The following OSBPL9 variants were observed in gnomAD, a reference collection of about 807,000 sequenced individuals.
The protein encoded by OSBPL9 is oxysterol binding protein like 9.
In OSBPL9, 40 loss-of-function variants were observed where a neutral mutation model predicts 106.6. The ratio of observed to expected loss-of-function variants is 0.38; its 90% CI spans 0.29 to 0.49. The LOEUF is 0.49. OSBPL9 is among the 20% of genes least tolerant of loss of function. OSBPL9 has a pLI of 0.97. For missense variants in OSBPL9, 609 were observed against 887.2 expected, an observed-to-expected ratio of 0.69 and a Z score of 3.98; for synonymous variants, 269 against 295.4, an observed-to-expected ratio of 0.91 and a Z score of 0.92.
chr1:51,651,688 T>C (rs1646528547), intron 1 of OSBPL9, among the ~76,000 whole-genome samples: 1 of 152,124 alleles, frequency 6.6e-6, no homozygotes, highest in Non-Finnish European at 1.5e-5. Context: ...TCTCTGACTC[T>C]CTAAAGTATG....
At chr1:51,575,232 GCT>G (rs1645176386), upstream of OSBPL9, among the ~76,000 whole-genome samples, 1 of 152,062 alleles carries the variant, frequency 6.6e-6, no homozygotes, top group Non-Finnish European at 1.5e-5. Flanking sequence ...ACGGAGTCTT[GCT>G]CTGTCTCCCA....
At chr1:51,741,502 C>G (rs775687208) in intron 4 of OSBPL9, among the ~76,000 whole-genome samples, 2 of 146,898 alleles carry the variant, frequency 1.4e-5, no homozygotes, top group Non-Finnish European at 3.0e-5. Context: ...TCTTTACTTC[C>G]TCTTCCCCTT....
At chr1:51,601,096 A>G (rs556209077) in intron 2 of OSBPL9, among the ~76,000 whole-genome samples, 1 of 152,304 alleles carries the variant, frequency 6.6e-6, no homozygotes, top group South Asian at 2.1e-4. Flanking sequence ...GTAGGTAGGA[A>G]AAGGATGTGT....
chr1:51,729,944 C>T lies in OSBPL9; in HGVS notation c.319-15592C>T. On this transcript the variant is annotated intron_variant, in intron 4 of 23. Transcript: ENST00000428468. The surrounding 1 kb of genome is among the most constrained non-coding windows in gnomAD (Gnocchi z 5.1). ...CGGGAGCAGCCCCCGGCTACCTCCC[C>T]TGGAGGCACAGAGGGCGGGGGCCTT... 7.6e-7 allele frequency: 1 copy of T among 1,313,732 alleles called. No individual in the cohort carries two copies. Among genetic ancestry groups the T allele is most frequent in the Non-Finnish European group, 9.8e-7 (1 of 1,023,538 alleles). 81.4% of individuals were successfully genotyped at this position (1,313,732 alleles called of 1,614,324 possible).
intron 5 of OSBPL9, 112 bp downstream of exon 5, chr1:51,745,743 C>A: frequency 7.8e-7 from 1 of 1,290,078 alleles, no homozygotes; most frequent in Non-Finnish European, 1.0e-6. Flanking sequence ...TGTGGTTCTT[C>A]AGCAGTTTTT....
rs1645248720 is a variant in OSBPL9, at chr1:51,586,478, A to G, written c.-423+9222A>G. Among the ~76,000 whole-genome samples, 3 of 152,226 alleles carry G rather than the reference A, an allele frequency of 2.0e-5. No homozygotes were observed. The South Asian group carries it at 6.2e-4, about 32-fold the overall frequency. On this transcript the variant is annotated intron_variant, in intron 1 of 25. Coordinates refer to the OSBPL9 transcript ENST00000371714. ...CTGTTGGGCATTTAGGTTTGTCTCC[A>G]AATGTTTCCAATTACAAATAATGCT...
At chr1:51,647,855 C>G (rs564918820) in intron 1 of OSBPL9, among the ~76,000 whole-genome samples, 4 of 152,044 alleles carry the variant, frequency 2.6e-5, no homozygotes, top group African/African-American at 4.8e-5. Flanking sequence ...TGGCTCGCAC[C>G]TGTAGTCCCA....
rs377657272 is a variant in OSBPL9, at chr1:51,787,458, G to A, written c.2106G>A (p.Arg702=). 5.6e-6 allele frequency: 9 copies of A among 1,613,936 alleles called. No homozygotes were observed. The South Asian group carries it at 8.8e-5, about 16-fold the overall frequency. ...EERQRAEARE[R]KEKEIQWETR... The stretch of plus-strand genomic sequence containing the variant: ...GACAAAGAGCAGAAGCCCGAGAAAG[G>A]AAGGAGAAGGAAATTCAGTGGGAGA... Residue 702 remains arginine (R), a synonymous_variant, in exon 23 of 24, where the codon AGG becomes AGA. Transcript: ENST00000428468.
Position 51,617,218 on chromosome 1 carries a change from C to T in OSBPL9, c.108C>T (p.Tyr36=). 3.1e-6 allele frequency: 5 copies of T among 1,610,210 alleles called. No individual in the cohort carries two copies. Among genetic ancestry groups the T allele is most frequent in the Non-Finnish European group, 4.2e-6 (5 of 1,178,138 alleles). The part of the protein sequence containing the change: ...LDYNAGLLSY[Y]TSKDKMMRGS... ...ACAATGCAGGACTGCTCTCCTACTA[C>T]ACGGTGAGTCCTTGGAGGGCACAGC... is the stretch of plus-strand genomic sequence containing the variant. Residue 36 remains tyrosine (Y), a synonymous_variant, in exon 1 of 24, where the codon TAC becomes TAT. Coordinates refer to ENST00000428468, the MANE Select transcript of OSBPL9 (RefSeq NM_024586.6).
At chr1:51,772,333 G>A (rs1674101981) in intron 13 of OSBPL9, 151 bp downstream of exon 13, 2 of 678,304 alleles carry the variant, frequency 2.9e-6, no homozygotes, top group Non-Finnish European at 5.0e-6. Context: ...CCAACATGGT[G>A]AAACCCCATC....
chr1:51,555,606 C>T, the OSBPL9 span, among the ~76,000 whole-genome samples: 11,891 of 152,070 alleles, frequency 0.078, 530 homozygotes, highest in Middle Eastern at 0.11. Flanking sequence ...CTTGCTCTGT[C>T]GCCCAGGCTG....
chr1:51,534,368 T>C, the OSBPL9 span, among the ~76,000 whole-genome samples: 1 of 152,222 alleles, frequency 6.6e-6, no homozygotes, highest in Admixed American at 6.5e-5. Flanking sequence ...ATCTCCCCTC[T>C]ATGGCAATGA....
At chr1:51,561,273 T>C in the OSBPL9 span, among the ~76,000 whole-genome samples, 3 of 152,194 alleles carry the variant, frequency 2.0e-5, no homozygotes, top group African/African-American at 4.8e-5. Flanking sequence ...ACTTAAATTC[T>C]AGCTTTTCTA....
intron 8 of OSBPL9, among the ~76,000 whole-genome samples, chr1:51,753,871 A>G (rs1338434894): frequency 6.6e-6 from 1 of 151,408 alleles, no homozygotes; most frequent in Non-Finnish European, 1.5e-5. Flanking sequence ...ATCCCTAGAC[A>G]TTGTGTTATA....
chr1:51,713,918 T>A, intron 3 of OSBPL9, 85 bp from the exon 4 acceptor site: 4 of 1,078,858 alleles, frequency 3.7e-6, no homozygotes, highest in East Asian at 5.3e-5. Flanking sequence ...CTGTTAGCCA[T>A]CATAGTTTTA....
chr1:51,550,315 C>A, the OSBPL9 span, among the ~76,000 whole-genome samples: 1 of 152,112 alleles, frequency 6.6e-6, no homozygotes, highest in Non-Finnish European at 1.5e-5. Flanking sequence ...AACTTGCAAA[C>A]AAGTGACAAT....
chr1:51,607,197 T>A (rs903012738), intron 2 of OSBPL9, among the ~76,000 whole-genome samples: 3 of 145,434 alleles, frequency 2.1e-5, no homozygotes, highest in African/African-American at 7.7e-5. Flanking sequence ...AGAGTCATGC[T>A]CTGTCAGTGA....
chr1:51,722,597 A>G (rs1662357342), intron 4 of OSBPL9, among the ~76,000 whole-genome samples: 1 of 152,238 alleles, frequency 6.6e-6, no homozygotes, highest in Non-Finnish European at 1.5e-5. Flanking sequence ...CTAAGGATAC[A>G]GTGGTGAACA....
At chr1:51,656,257 T>C (rs547944136) in intron 2 of OSBPL9, among the ~76,000 whole-genome samples, 82 of 152,316 alleles carry the variant, frequency 5.4e-4, no homozygotes, top group African/African-American at 1.7e-3. Context: ...CAATTATGTA[T>C]GTATAGGAAA....
Sources: allele counts gnomAD v4.1 joint callset (sites outside exome capture counted in the v4.1 genomes callset), GRCh38; gene constraint gnomAD v4.1.1; non-coding constraint Gnocchi (gnomAD v3.1); transcripts MANE v1.5; gene names NCBI Gene and HGNC (gene_info 2026-07-23, HGNC 2026-07-21).